Variants in GNPTAB observed in about 807,000 individuals in gnomAD.
GNPTAB encodes the protein N-acetylglucosamine-1-phosphotransferase subunits alpha/beta.
Under a neutral mutation model 136.6 loss-of-function variants are expected in GNPTAB, and 92 were observed. That is an observed-to-expected ratio of 0.67 (90% CI 0.57 to 0.80). The LOEUF is 0.80. Among genes scored for constraint, GNPTAB ranks in the 30% least tolerant of loss-of-function variants. The pLI is 0.00. For synonymous variants in GNPTAB, 512 were observed against 535.1 expected (o/e 0.96, Z 0.60); for missense variants, 1,343 against 1,501.8 (o/e 0.89, Z 1.75).
chr12:101,796,387 C>G lies in GNPTAB; in HGVS notation c.203+290G>C, dbSNP rs954143397. Reference sequence around the variant, plus strand: ...GTGAACACACTTTTCTTCAGATGGACATATTTTCTTTCCTTATTTTAAAAA... The same window carrying G: ...GTGAACACACTTTTCTTCAGATGGAGATATTTTCTTTCCTTATTTTAAAAA... On this transcript the variant is annotated intron_variant, in intron 2 of 20. Transcript: ENST00000299314. 1.2e-5 allele frequency: 8 copies of G among 664,124 alleles called. No individual in the cohort carries two copies. The African/African-American group carries it at 1.3e-4, about 10-fold the overall frequency. 41.1% of individuals were successfully genotyped at this position (664,124 alleles called of 1,614,324 possible). A position where few individuals can be genotyped will look rare whatever the true frequency, so the allele number is the denominator to read the frequency against.
chr12:101,768,013 A>C (rs772607701), intron 11 of GNPTAB, 24 bp downstream of exon 11: 1 of 1,612,040 alleles, frequency 6.2e-7, no homozygotes, highest in Non-Finnish European at 8.5e-7. Flanking sequence ...AAAATGAACG[A>C]ATTACAGTTT....
intron 7 of GNPTAB, among the ~76,000 whole-genome samples, chr12:101,772,066 T>C (rs1200290116): frequency 6.6e-6 from 1 of 152,198 alleles, no homozygotes; most frequent in African/African-American, 2.4e-5. Flanking sequence ...GGGGCAATCA[T>C]AAATCTAAGC....
intron 2 of GNPTAB, among the ~76,000 whole-genome samples, chr12:101,793,487 T>C (rs2137154851): frequency 6.6e-6 from 1 of 152,336 alleles, no homozygotes; most frequent in East Asian, 1.9e-4. Context: ...ACATGATCAA[T>C]TTAACTTTGG....
chr12:101,756,109 A>AG, intron 18 of GNPTAB: 1 of 153,010 alleles, frequency 6.5e-6, no homozygotes, highest in Non-Finnish European at 1.5e-5. Flanking sequence ...ATATGCAAAG[A>AG]GGGCTGTACG....
rs1328124395 is a variant in GNPTAB, at chr12:101,767,935, T to C, written c.1408+102A>G. 4.0e-6 allele frequency: 5 copies of C among 1,250,458 alleles called. No individual in the cohort carries two copies. The South Asian group carries it at 6.1e-5, about 15-fold the overall frequency. The allele number at this position is 1,250,458 out of a possible 1,614,324, so 77.5% of individuals were successfully genotyped here. On this transcript the variant is annotated intron_variant, in intron 11 of 20. Transcript: ENST00000299314. ...CCCAGCATTACTGATTCTTTATTAA[T>C]ACATAAAGAATGTTTGGTTAAGTCT...
At chr12:101,815,007 T>C (rs535039394) in intron 1 of GNPTAB, among the ~76,000 whole-genome samples, 4 of 152,206 alleles carry the variant, frequency 2.6e-5, no homozygotes, top group Non-Finnish European at 5.9e-5. Context: ...GAAAAATATC[T>C]TGGGGTCCCA....
intron 5 of GNPTAB, among the ~76,000 whole-genome samples, chr12:101,784,990 T>C (rs942132621): frequency 2.6e-5 from 4 of 152,196 alleles, no homozygotes; most frequent in South Asian, 2.1e-4. Flanking sequence ...TCTCTAAGGA[T>C]GTGGGTGCAG....
chr12:101,761,063 C>T (rs1215110299), intron 15 of GNPTAB, 64 bp downstream of exon 15: 22 of 1,253,336 alleles, frequency 1.8e-5, no homozygotes, highest in East Asian at 2.5e-5. Context: ...TGAGCCACTG[C>T]GCCTGACCAG....
At chr12:101,817,226 G>C (rs867480602) in intron 1 of GNPTAB, among the ~76,000 whole-genome samples, 16 of 150,306 alleles carry the variant, frequency 1.1e-4, no homozygotes, top group African/African-American at 3.9e-4. Flanking sequence ...ACATGGTTGA[G>C]ATGATGGATA....
At chr12:101,807,637 G>A (rs1005966154) in intron 1 of GNPTAB, among the ~76,000 whole-genome samples, 8 of 152,070 alleles carry the variant, frequency 5.3e-5, no homozygotes, top group African/African-American at 1.4e-4. Flanking sequence ...AGGATACAAA[G>A]TTAACATACA....
chr12:101,803,358 C>T (rs1050800810), intron 1 of GNPTAB, among the ~76,000 whole-genome samples: 2 of 152,140 alleles, frequency 1.3e-5, no homozygotes, highest in Admixed American at 1.3e-4. Context: ...ATGATATTAA[C>T]CAGGAAGTAA....
At position 101,768,099 on chromosome 12, in the gene GNPTAB, TC is replaced by T. The variant is rs1244017657; in HGVS notation, c.1345del (p.Asp449MetfsTer51). 6.2e-7 allele frequency: 1 copy of T among 1,614,058 alleles called. No individual in the cohort carries two copies. Among genetic ancestry groups the T allele is most frequent in the Admixed American group, 1.7e-5 (1 of 60,026 alleles). On this transcript the variant is annotated frameshift_variant, in exon 11 of 21. Coordinates refer to ENST00000299314, the MANE Select transcript of GNPTAB (RefSeq NM_024312.5). LOFTEE classifies it high-confidence loss of function. ...ATTACAAGCCTTGTCACAATAGCCA[TC>T]CTTAATCCAGGAACCTGGGCAGCCC... ...AEGCPGSWIK[D>X]GYCDKACNNS...
chr12:101,765,061 T>A lies in GNPTAB; in HGVS notation c.1856A>T (p.Asn619Ile). Residue 619 changes from asparagine to isoleucine, a missense_variant, in exon 13 of 21, where the codon AAT (asparagine) becomes ATT (isoleucine). Coordinates refer to ENST00000299314, the MANE Select transcript of GNPTAB (RefSeq NM_024312.5). The stretch of plus-strand genomic sequence containing the variant: ...CATTTTGAACTCTTCATCGTTTGTA[T>A]TTTGAAACGTGAGATTAAAATGTAT... Reference protein sequence around the residue: ...TTIHFNLTFQNTNDEEFKMQI... With the variant: ...TTIHFNLTFQITNDEEFKMQI... 6.2e-7 allele frequency: 1 copy of A among 1,614,178 alleles called. No homozygotes were observed. Among genetic ancestry groups the A allele is most frequent in the Non-Finnish European group, 8.5e-7 (1 of 1,179,968 alleles).
chr12:101,747,220 T>G lies in GNPTAB; in HGVS notation c.3715A>C (p.Ile1239Leu). ...TTGTGTATCCTCCTTCTGGGAAATATCTTCCGCTTAAGTGCAATTAACTAA... is the reference window on the plus strand; with the variant it reads ...TTGTGTATCCTCCTTCTGGGAAATAGCTTCCGCTTAAGTGCAATTAACTAA... ...AEQLIALKRK[I>L]FPRRRIHKEA... is the part of the protein sequence containing the mutation. The change falls in exon 21 of 21, where the codon ATA becomes CTA. Residue 1239 changes from isoleucine (I) to leucine (L), a missense_variant. Coordinates refer to ENST00000299314, the MANE Select transcript of GNPTAB (RefSeq NM_024312.5). 1 of 1,589,516 alleles carries G rather than the reference T, an allele frequency of 6.3e-7. No individual in the cohort carries two copies. Among genetic ancestry groups the G allele is most frequent in the African/African-American group, 1.3e-5 (1 of 74,416 alleles).
chr12:101,777,704 T>G (rs1953279918), intron 7 of GNPTAB, among the ~76,000 whole-genome samples: 3 of 152,204 alleles, frequency 2.0e-5, no homozygotes, highest in Non-Finnish European at 4.4e-5. Flanking sequence ...TTTGTTTGGT[T>G]GGGAACGCAG....
intron 1 of GNPTAB, among the ~76,000 whole-genome samples, chr12:101,824,755 A>T (rs11829685): frequency 0.014 from 2,144 of 151,764 alleles, 58 homozygotes; most frequent in African/African-American, 0.049. Flanking sequence ...CTCATCCTAT[A>T]TTTTTCAATT....
intron 7 of GNPTAB, among the ~76,000 whole-genome samples, chr12:101,771,861 C>A (rs1953181468): frequency 6.6e-6 from 1 of 152,198 alleles, no homozygotes; most frequent in African/African-American, 2.4e-5. Context: ...TGTGACTTTT[C>A]TTCTAGAATA....
chr12:101,830,004 C>CAAAA (rs35884808), intron 1 of GNPTAB, among the ~76,000 whole-genome samples: 36 of 106,134 alleles, frequency 3.4e-4, no homozygotes, highest in African/African-American at 1.0e-3. Context: ...AACCTCCTAC[C>CAAAA]AAAAAAAAAA....
At position 101,786,140 on chromosome 12, in the gene GNPTAB, T is replaced by G; in HGVS notation, c.443A>C (p.Asn148Thr). The change falls in exon 5 of 21, where the codon AAC (asparagine) becomes ACC (threonine). Residue 148 changes from asparagine (N) to threonine (T), a missense_variant. Physicochemically the swap from Asn to Thr is moderately conservative, Grantham distance 65. Transcript: ENST00000299314. Reference protein sequence around the residue: ...MLVLDPALPANITLKDLPSLY... With the variant: ...MLVLDPALPATITLKDLPSLY... The stretch of plus-strand genomic sequence containing the variant: ...AGATGGCAGGTCCTTCAGGGTGATG[T>G]TGGCTGGCAGGGCTGGGTCCAGGAC... 1 of 1,614,090 alleles carries G rather than the reference T, an allele frequency of 6.2e-7. No homozygotes were observed. Among genetic ancestry groups the G allele is most frequent in the South Asian group, 1.1e-5 (1 of 91,076 alleles).
Sources: gnomAD v4.1 joint callset for allele counts (sites outside exome capture counted in the v4.1 genomes callset) on GRCh38, gnomAD v4.1.1 for gene constraint, MANE v1.5 for transcripts, NCBI Gene and HGNC (gene_info 2026-07-23, HGNC 2026-07-21) for gene names.